Variants in MOGAT1 observed in about 807,000 individuals in gnomAD.
MOGAT1 encodes monoacylglycerol O-acyltransferase 1.
A neutral mutation model predicts 31.4 loss-of-function variants in MOGAT1; 32 were observed. The observed-to-expected ratio is 1.02, with a 90% CI of 0.77 to 1.37. MOGAT1 has a LOEUF of 1.37. Among genes scored for constraint, MOGAT1 ranks in the 40% most tolerant of loss-of-function variants. The pLI, the probability that MOGAT1 is intolerant of heterozygous loss-of-function variation, is 0.00. For missense variants in MOGAT1, 426 were observed against 402.0 expected (o/e 1.06, Z -0.51); for synonymous variants, 145 against 144.5 (o/e 1.00, Z -0.03).
chr2:222,673,288 G>A (rs1574967529), intron 1 of MOGAT1, among the ~76,000 whole-genome samples: 1 of 113,706 alleles, frequency 8.8e-6, no homozygotes, highest in African/African-American at 3.5e-5. Flanking sequence ...TTCCTCTTAA[G>A]AACTCTCCGA....
At chr2:222,700,225 T>G (rs1416290794) in intron 5 of MOGAT1, among the ~76,000 whole-genome samples, 2 of 152,254 alleles carry the variant, frequency 1.3e-5, no homozygotes, top group Non-Finnish European at 2.9e-5. Flanking sequence ...CTTAAATGAT[T>G]GCACTTGTCA....
chr2:222,688,525 GA>G lies in MOGAT1; in HGVS notation c.273+4del, dbSNP rs774641580. 1.9e-6 allele frequency: 3 copies of G among 1,590,732 alleles called. No homozygotes were observed. The highest frequency in any genetic ancestry group is 1.8e-5 in the Admixed American group (1 of 54,930). On this transcript the variant is annotated splice_donor_region_variant and intron_variant, in intron 2 of 5. Transcript: ENST00000446656. ...TTAAGGACTATTTTCCAATTCATGT[GA>G]GTACAGTTGTTTTATAAAGTATTAT... is the stretch of plus-strand genomic sequence containing the variant.
At chr2:222,675,241 A>G (rs1692478686) in intron 1 of MOGAT1, among the ~76,000 whole-genome samples, 1 of 152,172 alleles carries the variant, frequency 6.6e-6, no homozygotes, top group Non-Finnish European at 1.5e-5. Flanking sequence ...ATTTAGATGA[A>G]ACCTTCTGGG....
intron 1 of MOGAT1, among the ~76,000 whole-genome samples, chr2:222,676,126 C>A (rs752041385): frequency 4.0e-5 from 6 of 151,778 alleles, no homozygotes; most frequent in Non-Finnish European, 8.8e-5. Context: ...CCCCAACCCC[C>A]CTTCCCAAGC....
At chr2:222,686,278 C>G (rs1381278911) in intron 1 of MOGAT1, among the ~76,000 whole-genome samples, 1 of 152,158 alleles carries the variant, frequency 6.6e-6, no homozygotes, top group Non-Finnish European at 1.5e-5. Context: ...CTCAAATTCC[C>G]TGAGCCTCAG....
chr2:222,694,610 G>A, intron 4 of MOGAT1, 74 bp downstream of exon 4: 2 of 1,457,128 alleles, frequency 1.4e-6, no homozygotes, highest in Non-Finnish European at 1.9e-6. Flanking sequence ...AAGAAGTAAG[G>A]TGATTTTCTA....
At chr2:222,689,805 T>TA (rs1269524166) in intron 3 of MOGAT1, among the ~76,000 whole-genome samples, 1 of 152,222 alleles carries the variant, frequency 6.6e-6, no homozygotes, top group African/African-American at 2.4e-5. Flanking sequence ...AGGGATCAAG[T>TA]AAGTGACAAA....
intron 5 of MOGAT1, among the ~76,000 whole-genome samples, chr2:222,705,129 G>A (rs1692987014): frequency 6.6e-6 from 1 of 152,204 alleles, no homozygotes; most frequent in Non-Finnish European, 1.5e-5. Context: ...GGTAACTTCT[G>A]ACGTTGCCAT....
chr2:222,709,725 C>A lies in MOGAT1; in HGVS notation c.854-11C>A. 6.2e-7 allele frequency: 1 copy of A among 1,611,582 alleles called. No individual in the cohort carries two copies. Among genetic ancestry groups the A allele is most frequent in the Non-Finnish European group, 8.5e-7 (1 of 1,178,916 alleles). On this transcript the variant is annotated splice_polypyrimidine_tract_variant and intron_variant, in intron 5 of 5. Coordinates refer to ENST00000446656, the MANE Select transcript of MOGAT1 (RefSeq NM_058165.3). ...TAGTTCCTCACGTATGATGTATTCC[C>A]TGATTTGCAGTTGGCCGCCCGATCC...
In MOGAT1 at chr2:222,688,424, T is replaced by C; in HGVS notation, c.175T>C (p.Tyr59His). Residue 59 changes from tyrosine to histidine, a missense_variant, in exon 2 of 6, where the codon TAC becomes CAC. Tyr to His is a moderately conservative substitution (Grantham distance 83). Transcript: ENST00000446656. ...TTACATCCCTTATTTGATGTGGCTT[T>C]ACTTTGACTGGCATACCCCAGAGCG... is the stretch of plus-strand genomic sequence containing the variant. ...FLYIPYLMWLYFDWHTPERGG... is the reference protein window; with the variant it reads ...FLYIPYLMWLHFDWHTPERGG... 1 of 1,613,808 alleles carries C rather than the reference T, an allele frequency of 6.2e-7. No individual in the cohort carries two copies. The highest frequency in any genetic ancestry group is 1.1e-5 in the South Asian group (1 of 91,030).
intron 5 of MOGAT1, among the ~76,000 whole-genome samples, chr2:222,702,823 CAA>C (rs202181910): frequency 7.5e-6 from 1 of 133,066 alleles, no homozygotes; most frequent in Non-Finnish European, 1.6e-5. Flanking sequence ...GACTTTGTCT[CAA>C]AAAAAAAAAC....
chr2:222,689,952 T>G (rs1350669397), intron 3 of MOGAT1, among the ~76,000 whole-genome samples: 2 of 152,160 alleles, frequency 1.3e-5, no homozygotes, highest in African/African-American at 4.8e-5. Context: ...AAAAATAACT[T>G]GGCTCAGAAA....
At chr2:222,692,651 C>G (rs1692779694) in intron 3 of MOGAT1, among the ~76,000 whole-genome samples, 1 of 152,138 alleles carries the variant, frequency 6.6e-6, no homozygotes, top group Non-Finnish European at 1.5e-5. Context: ...GGAGGAAGAT[C>G]TCCTGACAGA....
chr2:222,706,293 C>G (rs777988133), intron 5 of MOGAT1, among the ~76,000 whole-genome samples: 1 of 151,858 alleles, frequency 6.6e-6, no homozygotes, highest in Admixed American at 6.6e-5. Context: ...ACCAACATGA[C>G]GAAACTCTGT....
chr2:222,696,481 C>T (rs1009186480), intron 5 of MOGAT1, among the ~76,000 whole-genome samples: 1 of 152,140 alleles, frequency 6.6e-6, no homozygotes, highest in Non-Finnish European at 1.5e-5. Flanking sequence ...GGTGGTATCG[C>T]ATTATGATTT....
intron 5 of MOGAT1, among the ~76,000 whole-genome samples, chr2:222,702,886 A>G (rs1055020398): frequency 2.0e-5 from 3 of 151,960 alleles, no homozygotes; most frequent in African/African-American, 4.8e-5. Flanking sequence ...GGGATTTCGT[A>G]AAATATTTTT....
intron 1 of MOGAT1, among the ~76,000 whole-genome samples, chr2:222,676,282 C>CCTGAT (rs1265623264): frequency 1.8e-4 from 27 of 152,000 alleles, no homozygotes; most frequent in Admixed American, 8.5e-4. Context: ...CCACACTGTG[C>CCTGAT]CTGATCTGAT....
At chr2:222,690,156 G>A (rs1234115452) in intron 3 of MOGAT1, among the ~76,000 whole-genome samples, 1 of 152,244 alleles carries the variant, frequency 6.6e-6, no homozygotes, top group Admixed American at 6.5e-5. Flanking sequence ...TCAGGAGGCT[G>A]AGGTGGAAGG....
At chr2:222,675,703 T>C (rs1403566128) in intron 1 of MOGAT1, among the ~76,000 whole-genome samples, 1 of 152,058 alleles carries the variant, frequency 6.6e-6, no homozygotes, top group Non-Finnish European at 1.5e-5. Context: ...ATGGTCTCGG[T>C]CTCCTGACCT....
Sources: gnomAD v4.1 joint callset for allele counts (sites outside exome capture counted in the v4.1 genomes callset) on GRCh38, gnomAD v4.1.1 for gene constraint, MANE v1.5 for transcripts, NCBI Gene and HGNC (gene_info 2026-07-23, HGNC 2026-07-21) for gene names.